RIN3: variants seen among roughly 807,000 people sequenced by gnomAD.
RIN3 encodes the protein RAB5 interacting protein 3.
Under a neutral mutation model 76.3 loss-of-function variants are expected in RIN3, and 54 were observed. That is an observed-to-expected ratio of 0.71 (90% CI 0.57 to 0.89). RIN3 has a LOEUF of 0.89. RIN3 is among the 40% of genes least tolerant of loss of function. The pLI is 0.00. For missense variants in RIN3, 1,256 were observed against 1,322.1 expected (o/e 0.95, Z 0.78); for synonymous variants, 576 against 564.0 (o/e 1.02, Z -0.30).
chr14:92,525,001 C>T (rs1245550707), intron 1 of RIN3, among the ~76,000 whole-genome samples: 1 of 152,244 alleles, frequency 6.6e-6, no homozygotes, highest in Non-Finnish European at 1.5e-5. Flanking sequence ...GCCTCCCAGG[C>T]TGTGTGAGGC....
At chr14:92,630,831 G>T (rs1271795639) in intron 4 of RIN3, among the ~76,000 whole-genome samples, 1 of 152,228 alleles carries the variant, frequency 6.6e-6, no homozygotes, top group Non-Finnish European at 1.5e-5. Context: ...CAGGCTGGGA[G>T]TTGGAGACCC....
intron 3 of RIN3, among the ~76,000 whole-genome samples, chr14:92,589,632 C>T (rs1320225457): frequency 2.6e-5 from 4 of 152,174 alleles, no homozygotes; most frequent in Non-Finnish European, 4.4e-5. Context: ...TAAGCCTTGG[C>T]TTTCTCAACT....
chr14:92,577,378 G>C lies in RIN3; in HGVS notation c.268G>C (p.Asp90His). 2.1e-5 allele frequency: 34 copies of C among 1,613,366 alleles called. No homozygotes were observed. The highest frequency in any genetic ancestry group is 2.9e-5 in the Non-Finnish European group (34 of 1,179,494). ...GTTTCAGATGTTCCTGGTTCGCCGG[G>C]ACAGCAGCTCGAAGCAGCTGGTGCT... is the stretch of plus-strand genomic sequence containing the variant. ...VVAGMFLVRR[D>H]SSSKQLVLCV... The change falls in exon 3 of 10, where the codon GAC becomes CAC. Residue 90 changes from aspartate (D) to histidine (H), a missense_variant. By Grantham distance (81) the Asp-to-His change is moderately conservative (BLOSUM62 -1). Coordinates refer to ENST00000216487, the MANE Select transcript of RIN3 (RefSeq NM_024832.5).
intron 3 of RIN3, among the ~76,000 whole-genome samples, chr14:92,586,142 T>C (rs546900037): frequency 6.6e-5 from 10 of 152,312 alleles, no homozygotes; most frequent in African/African-American, 2.4e-4. Context: ...TGACTACTCA[T>C]AGGGGCTTGG....
At chr14:92,654,397 G>A (rs1478571403) in intron 6 of RIN3, among the ~76,000 whole-genome samples, 1 of 152,066 alleles carries the variant, frequency 6.6e-6, no homozygotes, top group Non-Finnish European at 1.5e-5. Context: ...GCTAAACATT[G>A]AGCTGCTTCT....
chr14:92,657,858 G>A (rs1431427166), intron 6 of RIN3, among the ~76,000 whole-genome samples: 1 of 152,198 alleles, frequency 6.6e-6, no homozygotes, highest in Non-Finnish European at 1.5e-5. Flanking sequence ...CTGAGTGGCA[G>A]GGAAGGGCTG....
intron 4 of RIN3, among the ~76,000 whole-genome samples, chr14:92,632,421 T>C (rs1304668389): frequency 1.3e-5 from 2 of 152,208 alleles, no homozygotes; most frequent in Non-Finnish European, 2.9e-5. Flanking sequence ...GCTTCAGTGA[T>C]GCCAGCCCCC....
chr14:92,590,401 A>G (rs1471616470), intron 3 of RIN3, among the ~76,000 whole-genome samples: 3 of 152,082 alleles, frequency 2.0e-5, no homozygotes, highest in East Asian at 1.9e-4. Flanking sequence ...GCTTGATGCT[A>G]TCTTCCCAGT....
intron 5 of RIN3, among the ~76,000 whole-genome samples, chr14:92,646,876 A>G (rs937719109): frequency 6.6e-6 from 1 of 152,196 alleles, no homozygotes; most frequent in Non-Finnish European, 1.5e-5. Context: ...GCAACTGAAA[A>G]TACAGTTTTG....
intron 3 of RIN3, among the ~76,000 whole-genome samples, chr14:92,582,039 A>T (rs776947981): frequency 1.3e-5 from 2 of 152,170 alleles, no homozygotes; most frequent in Non-Finnish European, 2.9e-5. Flanking sequence ...CAGTGATCAG[A>T]TATCAAGGGG....
chr14:92,646,260 G>A (rs797004669), intron 5 of RIN3, among the ~76,000 whole-genome samples: 7 of 152,230 alleles, frequency 4.6e-5, no homozygotes, highest in Admixed American at 6.5e-5. Flanking sequence ...TCCGCTTGCC[G>A]TGCCTGCAGT....
At chr14:92,615,359 C>T in intron 3 of RIN3, 48 bp from the exon 4 acceptor site, 1 of 1,541,600 alleles carries the variant, frequency 6.5e-7, no homozygotes, top group Non-Finnish European at 9.0e-7. Flanking sequence ...CCCCATTTTC[C>T]TTGGCAGGAT....
chr14:92,515,054 G>C (rs1896401181), intron 1 of RIN3: 1 of 561,990 alleles, frequency 1.8e-6, no homozygotes, highest in Non-Finnish European at 3.2e-6. Context: ...TGAACTGGGG[G>C]ACAGCTGGAG....
chr14:92,680,375 T>G (rs1202874778), intron 8 of RIN3, among the ~76,000 whole-genome samples: 2 of 152,048 alleles, frequency 1.3e-5, no homozygotes, highest in Non-Finnish European at 2.9e-5. Context: ...AATTTTTGTA[T>G]TTTTAGTACA....
In RIN3 at chr14:92,648,982, A is replaced by G. The variant is rs1004881954; in HGVS notation, c.533-2600A>G. 4.6e-5 allele frequency among the ~76,000 whole-genome samples: 7 copies of G among 152,152 alleles called. No individual in the cohort carries two copies. Among genetic ancestry groups the G allele is most frequent in the African/African-American group, 1.7e-4 (7 of 41,420 alleles). ...TGGGGCAGCGCATGGCACGTGGAGG[A>G]AGGAGTGAACGGCAGATAGAGTGGA... On this transcript the variant is annotated intron_variant, in intron 5 of 9. Coordinates refer to ENST00000216487, the MANE Select transcript of RIN3 (RefSeq NM_024832.5). This position sits in a 1 kb window ranked among gnomAD's most constrained non-coding sequence, Gnocchi z 4.1.
At chr14:92,572,668 C>T (rs894884484) in intron 2 of RIN3, among the ~76,000 whole-genome samples, 1 of 152,082 alleles carries the variant, frequency 6.6e-6, no homozygotes, top group African/African-American at 2.4e-5. Context: ...GTCAGTCTTT[C>T]GTAACTGCTT....
rs773856367 is a variant in RIN3 at position 92,652,524 on chromosome 14, C to T, written c.1475C>T (p.Thr492Ile). The T allele has an allele frequency of 4.3e-6, 7 of 1,613,840 alleles. No homozygotes were observed. The Admixed American group carries it at 1.2e-4, about 27-fold the overall frequency. ...ELCTQAMALE[T>I]PTPGPPREGQ... is the part of the protein sequence containing the mutation. ...TGCACACAGGCGATGGCCTTGGAGACACCCACGCCGGGTCCACCCAGAGAG... is the reference window on the plus strand; with the variant it reads ...TGCACACAGGCGATGGCCTTGGAGATACCCACGCCGGGTCCACCCAGAGAG... Residue 492 changes from threonine to isoleucine, a missense_variant, in exon 6 of 10, where the codon ACA becomes ATA. Transcript: ENST00000216487. The surrounding 1 kb of genome is among the most constrained non-coding windows in gnomAD (Gnocchi z 6.4).
In RIN3 at chr14:92,595,160, A is replaced by C. The variant is rs535977025; in HGVS notation, c.367+17683A>C. Reference sequence around the variant, plus strand: ...GGAGCTCAAATCTAGTCAAGGAGGCAGAGTTGTCAATTGCAACACAGTGTA... The same window carrying C: ...GGAGCTCAAATCTAGTCAAGGAGGCCGAGTTGTCAATTGCAACACAGTGTA... On this transcript the variant is annotated intron_variant, in intron 3 of 9. Coordinates refer to ENST00000216487, the MANE Select transcript of RIN3 (RefSeq NM_024832.5). 1.3e-4 allele frequency among the ~76,000 whole-genome samples: 20 copies of C among 152,326 alleles called. No homozygotes were observed. In the East Asian group the frequency reaches 3.5e-3, roughly 26 times the overall value.
At chr14:92,644,212 C>G (rs988554235) in intron 5 of RIN3, among the ~76,000 whole-genome samples, 7 of 152,138 alleles carry the variant, frequency 4.6e-5, no homozygotes, top group Non-Finnish European at 1.0e-4. Flanking sequence ...GTTTTTGCAA[C>G]GAGCAGTCAA....
Sources: gnomAD v4.1 joint callset for allele counts (sites outside exome capture counted in the v4.1 genomes callset) on GRCh38, gnomAD v4.1.1 for gene constraint, Gnocchi (gnomAD v3.1) non-coding constraint, MANE v1.5 for transcripts, NCBI Gene and HGNC (gene_info 2026-07-23, HGNC 2026-07-21) for gene names.